The following G6PC1 variants were observed in gnomAD, a reference collection of about 807,000 sequenced individuals.
The protein encoded by G6PC1 is G-6-Pase.
A neutral mutation model predicts 30.4 loss-of-function variants in G6PC1; 23 were observed. The observed-to-expected ratio is 0.76, with a 90% CI of 0.55 to 1.07. The LOEUF (loss-of-function observed/expected upper bound fraction) is 1.07, where lower values mean the gene tolerates loss of function less well. Among genes scored for constraint, G6PC1 ranks in the 50% least tolerant of loss-of-function variants. The pLI is 0.00. For missense variants in G6PC1, 391 were observed against 433.9 expected, an observed-to-expected ratio of 0.90 and a Z score of 0.88; for synonymous variants, 163 against 175.6, an observed-to-expected ratio of 0.93 and a Z score of 0.57.
intron 4 of G6PC1, 61 bp from the exon 5 acceptor site, chr17:42,910,854 C>A: frequency 6.5e-7 from 1 of 1,548,124 alleles, no homozygotes; most frequent in Non-Finnish European, 8.9e-7. Flanking sequence ...CCTCCAAACC[C>A]ACCTCTAGCA....
At chr17:42,903,411 T>C (rs936160921) in intron 1 of G6PC1, among the ~76,000 whole-genome samples, 1 of 151,666 alleles carries the variant, frequency 6.6e-6, no homozygotes, top group Non-Finnish European at 1.5e-5. Flanking sequence ...GCTTCATTAT[T>C]TGTGTTTAAA....
intron 4 of G6PC1, among the ~76,000 whole-genome samples, chr17:42,909,857 TG>T (rs1376820404): frequency 7.9e-5 from 12 of 151,380 alleles, no homozygotes; most frequent in South Asian, 4.2e-4. Context: ...GTTTTGAATA[TG>T]TTTTTTTTTG....
intron 4 of G6PC1, 51 bp from the exon 5 acceptor site, chr17:42,910,863 CA>C: frequency 2.5e-6 from 4 of 1,584,664 alleles, no homozygotes; most frequent in Non-Finnish European, 3.5e-6. Context: ...CCACCTCTAG[CA>C]AAGGTCCCAA....
chr17:42,903,020 C>T (rs1401826788), intron 1 of G6PC1, among the ~76,000 whole-genome samples: 1 of 146,836 alleles, frequency 6.8e-6, no homozygotes, highest in Non-Finnish European at 1.5e-5. Context: ...TCTTCCAGGA[C>T]AAATACTTCT....
rs1331857852 is a variant in G6PC1, at chr17:42,911,038, G to A, written c.686G>A (p.Gly229Glu). The change falls in exon 5 of 5, where the codon GGA becomes GAA. Residue 229 changes from glycine to glutamate, a missense_variant. Gly to Glu is a moderately conservative substitution (Grantham distance 98). Transcript: ENST00000253801. The stretch of plus-strand genomic sequence containing the variant: ...ATCGGATTTTATCTGCTGCTCAAGG[G>A]ACTGGGTGTAGACCTCCTGTGGACT... ...FAIGFYLLLK[G>E]LGVDLLWTLE... 5.0e-6 allele frequency: 8 copies of A among 1,614,064 alleles called. No individual in the cohort carries two copies. The highest frequency in any genetic ancestry group is 5.1e-6 in the Non-Finnish European group (6 of 1,180,046).
Position 42,910,957 on chromosome 17 carries a change from A to G in G6PC1, c.605A>G (p.Tyr202Cys). 1 of 1,614,210 alleles carries G rather than the reference A, an allele frequency of 6.2e-7. No individual in the cohort carries two copies. Among genetic ancestry groups the G allele is most frequent in the Non-Finnish European group, 8.5e-7 (1 of 1,180,034 alleles). Residue 202 changes from tyrosine (Y) to cysteine (C), a missense_variant, in exon 5 of 5, where the codon TAT (tyrosine) becomes TGT (cysteine). Physicochemically the swap from Tyr to Cys is radical, Grantham distance 194 (BLOSUM62 -2). Transcript: ENST00000253801. Reference sequence around the variant, plus strand: ...ACTTTCAGCCACATCCACAGCATCTATAATGCCAGCCTCAAGAAATATTTT... The same window carrying G: ...ACTTTCAGCCACATCCACAGCATCTGTAATGCCAGCCTCAAGAAATATTTT... The part of the protein sequence containing the change: ...AETFSHIHSI[Y>C]NASLKKYFLI...
intron 1 of G6PC1, 62 bp downstream of exon 1, chr17:42,901,168 C>A: frequency 7.0e-7 from 1 of 1,423,442 alleles, no homozygotes; most frequent in Non-Finnish European, 9.9e-7. Flanking sequence ...CTCGCAATGT[C>A]TGTCCATCAG....
Position 42,911,163 on chromosome 17 carries a change from CT to C in G6PC1, c.812del (p.Leu271ArgfsTer30), listed in dbSNP as rs1240850896. ...CAAGAACCTGGGCACGCTCTTTGGCCTGGGGCTGGCTCTCAACTCCAGCATG... is the reference window on the plus strand; with the variant it reads ...CAAGAACCTGGGCACGCTCTTTGGCCGGGGCTGGCTCTCAACTCCAGCATG... ...LLKNLGTLFG[L>X]GLALNSSMYR... On this transcript the variant is annotated frameshift_variant, in exon 5 of 5. Transcript: ENST00000253801. LOFTEE classifies it high-confidence loss of function. 1 of 1,614,020 alleles carries C rather than the reference CT, an allele frequency of 6.2e-7. No homozygotes were observed. The highest frequency in any genetic ancestry group is 8.5e-7 in the Non-Finnish European group (1 of 1,180,022).
At chr17:42,903,369 C>T (rs1192941713) in intron 1 of G6PC1, among the ~76,000 whole-genome samples, 1 of 151,606 alleles carries the variant, frequency 6.6e-6, no homozygotes, top group Non-Finnish European at 1.5e-5. Context: ...CAGGTGTGAG[C>T]CACCGCGCCT....
chr17:42,903,974 G>A lies in G6PC1; in HGVS notation c.274G>A (p.Asp92Asn). The change falls in exon 2 of 5, where the codon GAC becomes AAC. Residue 92 changes from aspartate to asparagine, a missense_variant. Asp to Asn is a conservative substitution (Grantham distance 23). Coordinates refer to ENST00000253801, the MANE Select transcript of G6PC1 (RefSeq NM_000151.4). ...TCCATACTGGTGGGTTTTGGATACT[G>A]ACTACTACAGCAACACTTCCGTGCC... ...QRPYWWVLDTDYYSNTSVPLI... is the reference protein window; with the variant it reads ...QRPYWWVLDTNYYSNTSVPLI... 2.5e-6 allele frequency: 4 copies of A among 1,614,042 alleles called. No individual in the cohort carries two copies. The highest frequency in any genetic ancestry group is 1.3e-5 in the African/African-American group (1 of 75,032).
chr17:42,909,972 C>T (rs1826727899), intron 4 of G6PC1, among the ~76,000 whole-genome samples: 1 of 151,662 alleles, frequency 6.6e-6, no homozygotes, highest in South Asian at 2.1e-4. Flanking sequence ...ACGCCATTCT[C>T]CTGCCTCAGC....
At position 42,912,340 on chromosome 17, in the gene G6PC1, T is replaced by G. The variant is rs1442601255; in HGVS notation, c.*914T>G. 6.6e-6 allele frequency: 1 copy of G among 152,362 alleles called. No homozygotes were observed. Among genetic ancestry groups the G allele is most frequent in the Non-Finnish European group, 1.5e-5 (1 of 68,066 alleles). 9.4% of individuals were successfully genotyped at this position (152,362 alleles called of 1,614,324 possible). ...AAAACATTCAGGTATAGCTGACATC[T>G]CCTCTATCACATTACATCATCCTCC... On this transcript the variant is annotated 3_prime_UTR_variant, in exon 5 of 5. Coordinates refer to ENST00000253801, the MANE Select transcript of G6PC1 (RefSeq NM_000151.4).
intron 2 of G6PC1, among the ~76,000 whole-genome samples, chr17:42,905,910 G>A (rs1250816393): frequency 6.6e-6 from 1 of 151,946 alleles, no homozygotes; most frequent in Non-Finnish European, 1.5e-5. Context: ...GCCAGGCATG[G>A]TGGCGGGCGC....
chr17:42,911,195 G>C lies in G6PC1; in HGVS notation c.843G>C (p.Arg281Ser), dbSNP rs2056093449. ...TGGCTCTCAACTCCAGCATGTACAG[G>C]GAGAGCTGCAAGGGGAAACTCAGCA... is the stretch of plus-strand genomic sequence containing the variant. The part of the protein sequence containing the change: ...LGLALNSSMY[R>S]ESCKGKLSKW... Residue 281 changes from arginine (R) to serine (S), a missense_variant, in exon 5 of 5, where the codon AGG becomes AGC. Physicochemically the swap from Arg to Ser is moderately radical, Grantham distance 110. Coordinates refer to ENST00000253801, the MANE Select transcript of G6PC1 (RefSeq NM_000151.4). The C allele has an allele frequency of 1.2e-6, 2 of 1,614,152 alleles. No homozygotes were observed. The highest frequency in any genetic ancestry group is 1.7e-6 in the Non-Finnish European group (2 of 1,180,022).
At position 42,914,358 on chromosome 17, in the gene G6PC1, T is replaced by C. The variant is rs533168611; in HGVS notation, c.*2932T>C. ...CAAGAAAGGTCTGCCAGAAAGTAAA[T>C]ACTGCCCCCACTCCCTGAAGTTTAT... is the stretch of plus-strand genomic sequence containing the variant. On this transcript the variant is annotated 3_prime_UTR_variant, in exon 5 of 5. Transcript: ENST00000253801. Among the ~76,000 whole-genome samples, 6 of 152,276 alleles carry C rather than the reference T, an allele frequency of 3.9e-5. No individual in the cohort carries two copies. Among genetic ancestry groups the C allele is most frequent in the African/African-American group, 1.4e-4 (6 of 41,552 alleles).
intron 1 of G6PC1, among the ~76,000 whole-genome samples, chr17:42,903,491 A>T (rs552412025): frequency 6.6e-6 from 1 of 151,334 alleles, no homozygotes; most frequent in East Asian, 2.0e-4. Flanking sequence ...AGGTGGGAGG[A>T]TTGCCTGAGT....
At position 42,909,358 on chromosome 17, in the gene G6PC1, C is replaced by G; in HGVS notation, c.502C>G (p.Leu168Val). 6.2e-7 allele frequency: 1 copy of G among 1,614,162 alleles called. No individual in the cohort carries two copies. The highest frequency in any genetic ancestry group is 8.5e-7 in the Non-Finnish European group (1 of 1,180,022). The change falls in exon 4 of 5, where the codon CTG becomes GTG. Residue 168 changes from leucine (L) to valine (V), a missense_variant. Coordinates refer to ENST00000253801, the MANE Select transcript of G6PC1 (RefSeq NM_000151.4). ...GFWAVQLNVC[L>V]SRIYLAAHFP... ...CTGGGCTGTGCAGCTGAATGTCTGTCTGTCACGAATCTACCTTGCTGCTCA... is the reference window on the plus strand; with the variant it reads ...CTGGGCTGTGCAGCTGAATGTCTGTGTGTCACGAATCTACCTTGCTGCTCA...
At position 42,911,105 on chromosome 17, in the gene G6PC1, C is replaced by T. The variant is rs1422424986; in HGVS notation, c.753C>T (p.Val251=). The part of the protein sequence containing the change: ...AQRWCEQPEW[V]HIDTTPFASL... ...GGTGGTGCGAGCAGCCAGAATGGGT[C>T]CACATTGACACCACACCCTTTGCCA... Residue 251 remains valine, a synonymous_variant, in exon 5 of 5, where the codon GTC becomes GTT. Coordinates refer to ENST00000253801, the MANE Select transcript of G6PC1 (RefSeq NM_000151.4). 6.2e-7 allele frequency: 1 copy of T among 1,614,116 alleles called. No homozygotes were observed. Among genetic ancestry groups the T allele is most frequent in the Non-Finnish European group, 8.5e-7 (1 of 1,180,012 alleles).
intron 3 of G6PC1, among the ~76,000 whole-genome samples, chr17:42,908,565 C>A (rs1016482530): frequency 1.3e-5 from 2 of 151,758 alleles, no homozygotes; most frequent in African/African-American, 4.8e-5. Flanking sequence ...TGCCACCACA[C>A]CTGGCTAATT....
Sources: allele counts gnomAD v4.1 joint callset (sites outside exome capture counted in the v4.1 genomes callset), GRCh38; gene constraint gnomAD v4.1.1; transcripts MANE v1.5; gene names NCBI Gene and HGNC (gene_info 2026-07-23, HGNC 2026-07-21).